The following SEMA4A variants were observed in gnomAD, a reference collection of about 807,000 sequenced individuals.
SEMA4A encodes the protein semaphorin-4A.
A neutral mutation model predicts 72.5 loss-of-function variants in SEMA4A; 52 were observed. The ratio of observed to expected loss-of-function variants is 0.72; its 90% CI spans 0.57 to 0.90. SEMA4A has a LOEUF of 0.90. SEMA4A is among the 40% of genes least tolerant of loss of function. SEMA4A has a pLI of 0.00. For missense variants in SEMA4A, 926 were observed against 959.7 expected (o/e 0.96, Z 0.46); for synonymous variants, 369 against 393.1 (o/e 0.94, Z 0.73).
upstream of SEMA4A, among the ~76,000 whole-genome samples, chr1:156,153,118 A>G (rs1445350598): frequency 1.3e-5 from 2 of 152,114 alleles, no homozygotes; most frequent in Non-Finnish European, 2.9e-5. Context: ...TGGAGATTAG[A>G]CTGCAAGGGG....
At position 156,157,800 on chromosome 1, in the gene SEMA4A, ATC is replaced by A. The variant is rs1286164804; in HGVS notation, c.301-265_301-264del. ...CCAGTAGCCTATGAAATTGACCAAGATCTCTCAGTCAGGAAATAGCCAAGTCT... is the reference window on the plus strand; with the variant it reads ...CCAGTAGCCTATGAAATTGACCAAGATCTCAGTCAGGAAATAGCCAAGTCT... On this transcript the variant is annotated intron_variant, in intron 3 of 14. Transcript: ENST00000368285. This position sits in a 1 kb window ranked among gnomAD's most constrained non-coding sequence, Gnocchi z 4.5. Among the ~76,000 whole-genome samples the A allele has an allele frequency of 6.6e-6, 1 of 152,168 alleles. No individual in the cohort carries two copies. Among genetic ancestry groups the A allele is most frequent in the Non-Finnish European group, 1.5e-5 (1 of 68,034 alleles).
rs1183658039 is a variant in SEMA4A at position 156,156,647 on chromosome 1, C to T, written c.300+73C>T. The T allele has an allele frequency of 2.0e-6, 3 of 1,469,018 alleles. No individual in the cohort carries two copies. The South Asian group carries it at 3.4e-5, about 17-fold the overall frequency. 91.0% of individuals were successfully genotyped at this position (1,469,018 alleles called of 1,614,324 possible). Reference sequence around the variant, plus strand: ...CCGGCAGCTACCCTGGGCTTGGCTGCCTGTGCATGAATAACTTAGTTGCTG... The same window carrying T: ...CCGGCAGCTACCCTGGGCTTGGCTGTCTGTGCATGAATAACTTAGTTGCTG... On this transcript the variant is annotated intron_variant, in intron 3 of 14. Transcript: ENST00000368285.
At chr1:156,148,012 C>T (rs1652231760), upstream of SEMA4A, among the ~76,000 whole-genome samples, 1 of 152,220 alleles carries the variant, frequency 6.6e-6, no homozygotes, top group Non-Finnish European at 1.5e-5. Flanking sequence ...ATGGCAAGGC[C>T]AGGGGAGGCC....
intron 14 of SEMA4A, 56 bp from the exon 15 acceptor site, chr1:156,176,349 C>G: frequency 7.6e-7 from 1 of 1,323,670 alleles, no homozygotes; most frequent in Non-Finnish European, 1.1e-6. Context: ...AGACTCTCTC[C>G]TGTCTCCATC....
rs2102957097 is a variant in SEMA4A, at chr1:156,160,975, C to A, written c.756C>A (p.Ser252Arg). The change falls in exon 8 of 15, where the codon AGC becomes AGA. Residue 252 changes from serine to arginine, a missense_variant. Ser to Arg is a moderately radical substitution (Grantham distance 110). Transcript: ENST00000368285. The part of the protein sequence containing the change: ...VVYFFFEETA[S>R]EFDFFERLHT... The stretch of plus-strand genomic sequence containing the variant: ...ACTTCTTCTTCGAGGAGACAGCCAG[C>A]GAGTTTGACTTCTTTGAGAGGCTCC... The A allele has an allele frequency of 1.2e-6, 2 of 1,612,460 alleles. No individual in the cohort carries two copies. The highest frequency in any genetic ancestry group is 1.7e-6 in the Non-Finnish European group (2 of 1,179,662).
At chr1:156,159,007 C>A in intron 6 of SEMA4A, 183 bp downstream of exon 6, 1 of 559,282 alleles carries the variant, frequency 1.8e-6, no homozygotes, top group Admixed American at 2.9e-5. Flanking sequence ...TGAGTCTAGC[C>A]TGGGCAACAC....
chr1:156,148,507 G>A (rs1417911291), upstream of SEMA4A, among the ~76,000 whole-genome samples: 1 of 152,236 alleles, frequency 6.6e-6, no homozygotes, highest in Non-Finnish European at 1.5e-5. Flanking sequence ...ATATGAAGGG[G>A]AAGCAGTCTT....
chr1:156,158,600 G>C, intron 5 of SEMA4A, 114 bp downstream of exon 5: 1 of 1,279,708 alleles, frequency 7.8e-7, no homozygotes, highest in Non-Finnish European at 1.1e-6. Context: ...GGACCCTCAT[G>C]AACTTCCTGG....
intron 6 of SEMA4A, 106 bp from the exon 7 acceptor site, chr1:156,160,337 G>T: frequency 2.3e-6 from 2 of 869,082 alleles, no homozygotes; most frequent in Admixed American, 1.7e-5. Flanking sequence ...CTGATGCAGG[G>T]CCCCCGAGAC....
At chr1:156,159,944 A>C (rs975086997) in intron 6 of SEMA4A, among the ~76,000 whole-genome samples, 39 of 147,466 alleles carry the variant, frequency 2.6e-4, no homozygotes, top group African/African-American at 8.3e-4. Flanking sequence ...AAAAAGGGAG[A>C]GAGAAACCAT....
chr1:156,157,982 A>T lies in SEMA4A; in HGVS notation c.301-88A>T. The T allele has an allele frequency of 7.6e-7, 1 of 1,321,522 alleles. No individual in the cohort carries two copies. The highest frequency in any genetic ancestry group is 1.1e-6 in the Non-Finnish European group (1 of 925,584). The allele number at this position is 1,321,522 out of a possible 1,614,324, so 81.9% of individuals were successfully genotyped here. On this transcript the variant is annotated intron_variant, in intron 3 of 14. Coordinates refer to ENST00000368285, the MANE Select transcript of SEMA4A (RefSeq NM_022367.4). The surrounding 1 kb of genome is among the most constrained non-coding windows in gnomAD (Gnocchi z 4.5). Reference sequence around the variant, plus strand: ...AACCACCATGTCTGCTGGTTATTTCACATCAGAGCAGAGAAGGGAGGCAGG... The same window carrying T: ...AACCACCATGTCTGCTGGTTATTTCTCATCAGAGCAGAGAAGGGAGGCAGG...
Position 156,176,511 on chromosome 1 carries a change from A to C in SEMA4A, c.1800A>C (p.Glu600Asp), listed in dbSNP as rs753264868. The C allele has an allele frequency of 3.7e-6, 6 of 1,614,016 alleles. No homozygotes were observed. Among genetic ancestry groups the C allele is most frequent in the Non-Finnish European group, 5.1e-6 (6 of 1,180,016 alleles). Residue 600 changes from glutamate to aspartate, a missense_variant, in exon 15 of 15, where the codon GAA (glutamate) becomes GAC (aspartate). Physicochemically the swap from Glu to Asp is conservative, Grantham distance 45. Coordinates refer to ENST00000368285, the MANE Select transcript of SEMA4A (RefSeq NM_022367.4). Reference sequence around the variant, plus strand: ...GTCATGGCCCAGCAGCAGTCCCAGAAGCCTCTTCCACTGTCTACAATGGCT... The same window carrying C: ...GTCATGGCCCAGCAGCAGTCCCAGACGCCTCTTCCACTGTCTACAATGGCT... The part of the protein sequence containing the change: ...YWSHGPAAVP[E>D]ASSTVYNGSL...
upstream of SEMA4A, among the ~76,000 whole-genome samples, chr1:156,149,122 C>T (rs750710811): frequency 4.6e-5 from 7 of 152,156 alleles, no homozygotes; most frequent in African/African-American, 7.2e-5. Flanking sequence ...TTTTCAACTC[C>T]TCATTTTGCC....
intron 10 of SEMA4A, among the ~76,000 whole-genome samples, chr1:156,169,586 A>AT (rs1395629956): frequency 2.0e-5 from 3 of 148,718 alleles, no homozygotes; most frequent in Admixed American, 1.3e-4. Context: ...TGCCTGGCTA[A>AT]TTTTTTTGTA....
Position 156,157,570 on chromosome 1 carries a change from A to AG in SEMA4A, c.301-500_301-499insG, listed in dbSNP as rs1653157866. On this transcript the variant is annotated intron_variant, in intron 3 of 14. Coordinates refer to ENST00000368285, the MANE Select transcript of SEMA4A (RefSeq NM_022367.4). The surrounding 1 kb of genome is among the most constrained non-coding windows in gnomAD (Gnocchi z 4.5). ...GAAGGCACTAGCAATATTAGCAATC[A>AG]CCTCCATGGTTCATGTATCCTGATG... 6.6e-6 allele frequency among the ~76,000 whole-genome samples: 1 copy of AG among 152,066 alleles called. No homozygotes were observed. Among genetic ancestry groups the AG allele is most frequent in the Non-Finnish European group, 1.5e-5 (1 of 68,018 alleles).
chr1:156,150,785 A>G (rs1314339495), upstream of SEMA4A, among the ~76,000 whole-genome samples: 1 of 152,136 alleles, frequency 6.6e-6, no homozygotes, highest in African/African-American at 2.4e-5. Flanking sequence ...CCTGGCAGGA[A>G]GGGGCTACAT....
chr1:156,165,342 A>G (rs943541795), intron 10 of SEMA4A, among the ~76,000 whole-genome samples: 1 of 150,236 alleles, frequency 6.7e-6, no homozygotes, highest in Non-Finnish European at 1.5e-5. Flanking sequence ...CTTGTGTCCC[A>G]TGGCTTCCTC....
intron 2 of SEMA4A, 87 bp from the exon 3 acceptor site, chr1:156,156,327 C>T (rs1490915408): frequency 1.5e-6 from 2 of 1,337,082 alleles, no homozygotes; most frequent in Admixed American, 3.4e-5. Context: ...ACTCAGGCAA[C>T]CCTTCCCCTT....
intron 1 of SEMA4A, among the ~76,000 whole-genome samples, chr1:156,154,042 A>T (rs1652770453): frequency 6.6e-6 from 1 of 152,122 alleles, no homozygotes; most frequent in Non-Finnish European, 1.5e-5. Flanking sequence ...GCAGACTCAA[A>T]CCCAGTCTGC....
Sources: allele counts gnomAD v4.1 joint callset (sites outside exome capture counted in the v4.1 genomes callset), GRCh38; gene constraint gnomAD v4.1.1; non-coding constraint Gnocchi (gnomAD v3.1); transcripts MANE v1.5; gene names NCBI Gene and HGNC (gene_info 2026-07-23, HGNC 2026-07-21).